Variants in NTRK3 observed in about 807,000 individuals in gnomAD.
The protein encoded by NTRK3 is NT-3 growth factor receptor.
A neutral mutation model predicts 91.7 loss-of-function variants in NTRK3; 24 were observed. That is an observed-to-expected ratio of 0.26 (90% confidence interval 0.19 to 0.37). NTRK3 has a LOEUF of 0.37. Ranked by LOEUF, NTRK3 falls within the 10% of genes least tolerant of loss-of-function variation. The pLI is 1.00. For missense variants in NTRK3, 880 were observed against 1,068.9 expected, an observed-to-expected ratio of 0.82 and a Z score of 2.46; for synonymous variants, 483 against 404.0, an observed-to-expected ratio of 1.20 and a Z score of -2.34.
chr15:87,923,189 G>C (rs1164982425), intron 17 of NTRK3, among the ~76,000 whole-genome samples: 1 of 152,204 alleles, frequency 6.6e-6, no homozygotes, highest in Non-Finnish European at 1.5e-5. Flanking sequence ...GGCAGAGATT[G>C]CCAGCTATGA....
intron 14 of NTRK3, among the ~76,000 whole-genome samples, chr15:87,941,275 T>G (rs192050498): frequency 7.9e-5 from 12 of 152,282 alleles, no homozygotes; most frequent in Admixed American, 5.2e-4. Flanking sequence ...CCATTACTAG[T>G]TTTTTGAGCT....
intron 13 of NTRK3, among the ~76,000 whole-genome samples, chr15:88,045,025 T>G (rs1004189108): frequency 6.6e-6 from 1 of 152,190 alleles, no homozygotes; most frequent in African/African-American, 2.4e-5. Flanking sequence ...TAGTGCTCAC[T>G]GGACCAGGTG....
At chr15:88,151,923 C>A (rs142522318) in intron 5 of NTRK3, among the ~76,000 whole-genome samples, 8 of 152,314 alleles carry the variant, frequency 5.3e-5, no homozygotes, top group Non-Finnish European at 1.0e-4. Context: ...ATGCTCACTC[C>A]ACCTCCACAC....
At chr15:88,085,048 C>T (rs142954686) in intron 13 of NTRK3, among the ~76,000 whole-genome samples, 5 of 152,226 alleles carry the variant, frequency 3.3e-5, no homozygotes, top group Non-Finnish European at 7.4e-5. Context: ...TAACCAATTC[C>T]CAGGGTCAAA....
intron 17 of NTRK3, among the ~76,000 whole-genome samples, chr15:87,881,544 C>A (rs1229011679): frequency 2.0e-5 from 3 of 151,786 alleles, no homozygotes; most frequent in Admixed American, 1.3e-4. Context: ...CTCAGCCTCC[C>A]GAGTAGCTGG....
chr15:88,131,285 T>C (rs971327873), intron 10 of NTRK3, among the ~76,000 whole-genome samples: 5 of 152,242 alleles, frequency 3.3e-5, no homozygotes, highest in African/African-American at 9.6e-5. Flanking sequence ...CATTCACTCA[T>C]TGCGGGCCCT....
intron 17 of NTRK3, among the ~76,000 whole-genome samples, chr15:87,882,578 C>G (rs2065311875): frequency 6.6e-6 from 1 of 152,110 alleles, no homozygotes; most frequent in Non-Finnish European, 1.5e-5. Flanking sequence ...AACTAACATA[C>G]TTATCTGGAA....
chr15:87,882,969 G>GAAA (rs2065333729), intron 17 of NTRK3, among the ~76,000 whole-genome samples: 1 of 151,738 alleles, frequency 6.6e-6, no homozygotes, highest in Admixed American at 6.6e-5. Flanking sequence ...ATTTAGGTTA[G>GAAA]AAAAATCAAG....
At chr15:88,020,597 G>A (rs571453904) in intron 14 of NTRK3, among the ~76,000 whole-genome samples, 1 of 152,152 alleles carries the variant, frequency 6.6e-6, no homozygotes, top group African/African-American at 2.4e-5. Context: ...ATCACATATT[G>A]TCACTTATAC....
At chr15:88,220,700 C>A (rs2050163876) in intron 3 of NTRK3, among the ~76,000 whole-genome samples, 1 of 152,178 alleles carries the variant, frequency 6.6e-6, no homozygotes, top group African/African-American at 2.4e-5. Flanking sequence ...CACATGGCCA[C>A]AAACACCTGC....
At chr15:88,256,196 GGGGGTGGGGT>G in intron 2 of NTRK3, 28 bp from the exon 3 acceptor site, 1 of 1,392,800 alleles carries the variant, frequency 7.2e-7, no homozygotes, top group Admixed American at 2.0e-5. Context: ...GAGAGGAGAG[GGGGGTGGGGT>G]GGGGGGAGTG....
intron 13 of NTRK3, among the ~76,000 whole-genome samples, chr15:88,111,853 G>A (rs2051395926): frequency 6.6e-6 from 1 of 151,676 alleles, no homozygotes; most frequent in African/African-American, 2.4e-5. Flanking sequence ...TGGTTGAGCA[G>A]TGTGTTCTGG....
intron 13 of NTRK3, among the ~76,000 whole-genome samples, chr15:88,100,955 G>C (rs2050112770): frequency 6.6e-6 from 1 of 152,108 alleles, no homozygotes; most frequent in African/African-American, 2.4e-5. Context: ...CATAGGCACG[G>C]GCAAGGACTT....
chr15:87,902,901 G>A (rs371993446), intron 17 of NTRK3, among the ~76,000 whole-genome samples: 10 of 147,500 alleles, frequency 6.8e-5, no homozygotes, highest in East Asian at 6.6e-4. Flanking sequence ...CTCTCACCCC[G>A]ACTCCCCCTT....
chr15:88,122,476 G>C (rs1472920367), intron 13 of NTRK3, among the ~76,000 whole-genome samples: 1 of 152,166 alleles, frequency 6.6e-6, no homozygotes, highest in Non-Finnish European at 1.5e-5. Context: ...CTATGGAGAT[G>C]GGGATGGGAA....
At chr15:88,048,968 C>A (rs758034934) in intron 13 of NTRK3, among the ~76,000 whole-genome samples, 1 of 152,174 alleles carries the variant, frequency 6.6e-6, no homozygotes, top group Non-Finnish European at 1.5e-5. Context: ...ACCGTAACCT[C>A]CCACTACCCT....
rs1422524296 is a variant in NTRK3, at chr15:88,240,316, G to A, written c.248+15590C>T. 6.6e-6 allele frequency among the ~76,000 whole-genome samples: 1 copy of A among 152,122 alleles called. No homozygotes were observed. Among genetic ancestry groups the A allele is most frequent in the Non-Finnish European group, 1.5e-5 (1 of 68,030 alleles). On this transcript the variant is annotated intron_variant, in intron 3 of 18. Coordinates refer to ENST00000394480, the Ensembl canonical transcript of NTRK3. This position sits in a 1 kb window ranked among gnomAD's most constrained non-coding sequence, Gnocchi z 4.9. Reference sequence around the variant, plus strand: ...TGAGACCTTAGAGACAACAATGCCCGATCCCGACACACCCGATAAACTGTG... The same window carrying A: ...TGAGACCTTAGAGACAACAATGCCCAATCCCGACACACCCGATAAACTGTG...
chr15:88,249,632 C>T (rs770904837), intron 3 of NTRK3, among the ~76,000 whole-genome samples: 26 of 152,206 alleles, frequency 1.7e-4, no homozygotes, highest in Middle Eastern at 3.4e-3. Context: ...CACTTAGAGG[C>T]GGCGGAAATG....
intron 11 of NTRK3, among the ~76,000 whole-genome samples, 197 bp from the exon 12 acceptor site, chr15:88,127,423 A>G (rs1321586986): frequency 1.3e-5 from 2 of 151,900 alleles, no homozygotes. Context: ...CTATCTGACC[A>G]TCTGGCTGGT....
Sources: gnomAD v4.1 joint callset for allele counts (sites outside exome capture counted in the v4.1 genomes callset) on GRCh38, gnomAD v4.1.1 for gene constraint, Gnocchi (gnomAD v3.1) non-coding constraint, MANE v1.5 for transcripts, NCBI Gene and HGNC (gene_info 2026-07-23, HGNC 2026-07-21) for gene names.